GSAP: variants seen among roughly 807,000 people sequenced by gnomAD.
GSAP encodes gamma-secretase-activating protein.
In GSAP, 118 loss-of-function variants were observed where a neutral mutation model predicts 131.7. That is an observed-to-expected ratio of 0.90 (90% CI 0.77 to 1.04). The LOEUF is 1.04. Among genes scored for constraint, GSAP ranks in the 50% least tolerant of loss-of-function variants. The pLI is 0.00. For missense variants in GSAP, 1,019 were observed against 1,013.2 expected (o/e 1.01, Z -0.08); for synonymous variants, 381 against 363.4 (o/e 1.05, Z -0.55).
At chr7:77,377,827 T>G (rs1274627031) in intron 8 of GSAP, among the ~76,000 whole-genome samples, 1 of 152,214 alleles carries the variant, frequency 6.6e-6, no homozygotes, top group Non-Finnish European at 1.5e-5. Flanking sequence ...TGGAAAGTAG[T>G]AGGCAATGAC....
chr7:77,367,312 C>T (rs533252074), intron 12 of GSAP, among the ~76,000 whole-genome samples: 72 of 152,284 alleles, frequency 4.7e-4, no homozygotes, highest in African/African-American at 1.7e-3. Flanking sequence ...ATGCTACCAG[C>T]TTTTGCCCAT....
In GSAP at chr7:77,329,223, C is replaced by T. The variant is rs1171535691; in HGVS notation, c.1733+110G>A. 7 of 555,286 alleles carry T rather than the reference C, an allele frequency of 1.3e-5. 1 individual carries two copies. Among genetic ancestry groups the T allele is most frequent in the Admixed American group, 3.7e-5 (1 of 27,260 alleles). 34.4% of individuals were successfully genotyped at this position (555,286 alleles called of 1,614,324 possible). A position where few individuals can be genotyped will look rare whatever the true frequency, so the allele number is the denominator to read the frequency against. ...TCATGAAGCTGACAATATTATTTTG[C>T]TGGGGATATGCAACAAAAGTAAACT... On this transcript the variant is annotated intron_variant, in intron 21 of 30. Coordinates refer to ENST00000257626, the MANE Select transcript of GSAP (RefSeq NM_017439.4).
At chr7:77,372,850 C>T in intron 12 of GSAP, among the ~76,000 whole-genome samples, 1 of 152,218 alleles carries the variant, frequency 6.6e-6, no homozygotes, top group Non-Finnish European at 1.5e-5. Context: ...CTCCAGCTTT[C>T]TCTCTCTCAC....
intron 26 of GSAP, chr7:77,315,168 C>G (rs2150587000): frequency 6.6e-6 from 1 of 152,318 alleles, no homozygotes; most frequent in Non-Finnish European, 1.5e-5. Context: ...CAAAACAGCT[C>G]TCTTGGAAGT....
chr7:77,314,723 T>G, intron 26 of GSAP: 2 of 412,330 alleles, frequency 4.9e-6, no homozygotes, highest in Non-Finnish European at 9.0e-6. Context: ...CTTGGGTCTC[T>G]TCCTGCACAG....
At chr7:77,347,987 C>CAAA (rs34156549) in intron 19 of GSAP, among the ~76,000 whole-genome samples, 1 of 118,802 alleles carries the variant, frequency 8.4e-6, no homozygotes, top group African/African-American at 3.1e-5. Context: ...CCCATCTCTA[C>CAAA]AAAAAAAAAA....
Position 77,321,383 on chromosome 7 carries a change from G to A in GSAP, c.1944C>T (p.Ile648=), listed in dbSNP as rs755147320. Residue 648 remains isoleucine, a synonymous_variant, in exon 25 of 31, where the codon ATC becomes ATT. Coordinates refer to ENST00000257626, the MANE Select transcript of GSAP (RefSeq NM_017439.4). ...ISKLLDLICH[I]VETNWRKHNL... ...TATGTTTCCTCCAATTGGTTTCTACGATGTGGCAAATGAGATCCAGCTGGA... is the reference window on the plus strand; with the variant it reads ...TATGTTTCCTCCAATTGGTTTCTACAATGTGGCAAATGAGATCCAGCTGGA... 48 of 1,605,268 alleles carry A rather than the reference G, an allele frequency of 3.0e-5. No homozygotes were observed. The highest frequency in any genetic ancestry group is 3.8e-5 in the Non-Finnish European group (45 of 1,172,142).
At chr7:77,364,130 G>A (rs1289624490) in intron 12 of GSAP, among the ~76,000 whole-genome samples, 2 of 152,104 alleles carry the variant, frequency 1.3e-5, no homozygotes, top group Admixed American at 1.3e-4. Flanking sequence ...TTTTTTAAAT[G>A]ATAATGAAAT....
chr7:77,390,417 G>A (rs1799286033), intron 5 of GSAP, among the ~76,000 whole-genome samples: 1 of 152,078 alleles, frequency 6.6e-6, no homozygotes, highest in East Asian at 1.9e-4. Flanking sequence ...TATGGTTTTA[G>A]GTCTTACATT....
At chr7:77,345,463 G>A (rs887597232) in intron 19 of GSAP, among the ~76,000 whole-genome samples, 1 of 152,130 alleles carries the variant, frequency 6.6e-6, no homozygotes, top group Non-Finnish European at 1.5e-5. Flanking sequence ...TCAGGCCTCT[G>A]AGCCCAAGCT....
chr7:77,336,075 T>G (rs900043104), intron 19 of GSAP, among the ~76,000 whole-genome samples: 1 of 152,180 alleles, frequency 6.6e-6, no homozygotes, highest in African/African-American at 2.4e-5. Flanking sequence ...AATTTCAAGG[T>G]CTCCTGAATA....
At chr7:77,353,443 TG>T (rs1793192465) in intron 17 of GSAP, 128 bp downstream of exon 17, 20 of 596,342 alleles carry the variant, frequency 3.4e-5, no homozygotes, top group East Asian at 5.6e-5. Flanking sequence ...GATAGAGTTT[TG>T]TTTTTTTTTT....
intron 14 of GSAP, among the ~76,000 whole-genome samples, chr7:77,359,931 G>C (rs1487265900): frequency 6.6e-6 from 1 of 152,116 alleles, no homozygotes; most frequent in Non-Finnish European, 1.5e-5. Context: ...GTAGAACCAG[G>C]CTTCCCTAAG....
intron 5 of GSAP, among the ~76,000 whole-genome samples, chr7:77,396,424 A>G (rs1276424940): frequency 6.6e-6 from 1 of 152,152 alleles, no homozygotes; most frequent in African/African-American, 2.4e-5. Context: ...ACACCATTGT[A>G]TCCCCAGTAC....
intron 5 of GSAP, among the ~76,000 whole-genome samples, chr7:77,390,113 C>T (rs2151088499): frequency 6.6e-6 from 1 of 152,276 alleles, no homozygotes; most frequent in Middle Eastern, 3.4e-3. Context: ...ATATCCTTCG[C>T]CCACTTTTTG....
chr7:77,395,588 G>C (rs912914099), intron 5 of GSAP, among the ~76,000 whole-genome samples: 3 of 152,132 alleles, frequency 2.0e-5, no homozygotes, highest in African/African-American at 7.2e-5. Context: ...TATCATGGCA[G>C]GGGGAGGGTA....
At chr7:77,403,201 G>A (rs1011255116) in intron 3 of GSAP, among the ~76,000 whole-genome samples, 4 of 152,134 alleles carry the variant, frequency 2.6e-5, no homozygotes, top group Non-Finnish European at 5.9e-5. Context: ...GAAAACTTGA[G>A]ATTTTATTCT....
chr7:77,390,945 C>CT (rs1799376201), intron 5 of GSAP, among the ~76,000 whole-genome samples: 3 of 18,986 alleles, frequency 1.6e-4, no homozygotes, highest in Admixed American at 6.4e-4. Context: ...GAGACTCCGT[C>CT]TAAAAAAAAA....
chr7:77,351,101 AG>A (rs766268260), intron 18 of GSAP: 12 of 970,330 alleles, frequency 1.2e-5, no homozygotes, highest in Non-Finnish European at 1.5e-5. Flanking sequence ...CCTGTAAAAA[AG>A]GGTATCATGG....
Sources: gnomAD v4.1 joint callset for allele counts (sites outside exome capture counted in the v4.1 genomes callset) on GRCh38, gnomAD v4.1.1 for gene constraint, MANE v1.5 for transcripts, NCBI Gene and HGNC (gene_info 2026-07-23, HGNC 2026-07-21) for gene names.